PRIMPOL: variants seen among roughly 807,000 people sequenced by gnomAD.
PRIMPOL encodes DNA-directed primase/polymerase protein.
PRIMPOL carries 54 observed loss-of-function variants against 63.6 expected under a neutral mutation model. The ratio of observed to expected loss-of-function variants is 0.85; its 90% confidence interval spans 0.68 to 1.07. PRIMPOL has a LOEUF of 1.07. Among genes scored for constraint, PRIMPOL ranks in the 50% least tolerant of loss-of-function variants. PRIMPOL has a pLI of 0.00. For synonymous variants in PRIMPOL, 197 were observed against 220.2 expected, an observed-to-expected ratio of 0.89 and a Z score of 0.93; for missense variants, 610 against 648.3, an observed-to-expected ratio of 0.94 and a Z score of 0.64.
chr4:184,664,643 T>C (rs1749320529), intron 5 of PRIMPOL, among the ~76,000 whole-genome samples: 1 of 152,186 alleles, frequency 6.6e-6, no homozygotes, highest in Non-Finnish European at 1.5e-5. Context: ...GTGGCATACT[T>C]TCCTTCTCAC....
intron 7 of PRIMPOL, among the ~76,000 whole-genome samples, chr4:184,674,549 G>T (rs1752767297): frequency 6.6e-6 from 1 of 152,118 alleles, no homozygotes; most frequent in Admixed American, 6.5e-5. Flanking sequence ...CTTCAACAAT[G>T]CAGGGCTTAG....
chr4:184,692,446 C>G (rs578026867), intron 13 of PRIMPOL, among the ~76,000 whole-genome samples: 1 of 124,310 alleles, frequency 8.0e-6, no homozygotes, highest in Non-Finnish European at 1.5e-5. Context: ...TACACTCCAG[C>G]CTGGGAGACA....
rs766656905 is a variant in PRIMPOL, at chr4:184,678,232, G to C, written c.845G>C (p.Gly282Ala). Reference sequence around the variant, plus strand: ...ATTGTTTTATCAATTTTTGATGTAGGAGTTTATACAAGAAATAGAAACTTT... The same window carrying C: ...ATTGTTTTATCAATTTTTGATGTAGCAGTTTATACAAGAAATAGAAACTTT... Reference protein sequence around the residue: ...MGEKHLFVDLGVYTRNRNFRL... With the variant: ...MGEKHLFVDLAVYTRNRNFRL... The change falls in exon 8 of 14, where the codon GGA (glycine) becomes GCA (alanine). Residue 282 changes from glycine (G) to alanine (A), a missense_variant and splice_region_variant. Transcript: ENST00000314970. The C allele has an allele frequency of 6.4e-7, 1 of 1,551,530 alleles. No homozygotes were observed. Among genetic ancestry groups the C allele is most frequent in the African/African-American group, 1.4e-5 (1 of 71,774 alleles).
chr4:184,675,281 A>G (rs1417504243), intron 7 of PRIMPOL, among the ~76,000 whole-genome samples: 1 of 152,196 alleles, frequency 6.6e-6, no homozygotes, highest in African/African-American at 2.4e-5. Flanking sequence ...AAATGGCATC[A>G]TGTACAGTCA....
At chr4:184,657,642 C>G (rs1311682876) in intron 3 of PRIMPOL, 1 of 176,412 alleles carries the variant, frequency 5.7e-6, no homozygotes, top group Non-Finnish European at 1.2e-5. Context: ...TTTATTTCAA[C>G]ACAGTAAGCA....
Position 184,685,530 on chromosome 4 carries a change from A to G in PRIMPOL, c.1186+32A>G, listed in dbSNP as rs766648436. The G allele has an allele frequency of 3.8e-6, 6 of 1,593,046 alleles. No homozygotes were observed. In the African/African-American group the frequency reaches 6.7e-5, roughly 18 times the overall value. On this transcript the variant is annotated intron_variant, in intron 10 of 13. Coordinates refer to ENST00000314970, the MANE Select transcript of PRIMPOL (RefSeq NM_152683.4). ...TTAATCTCATCCTTTGTTAACTGTT[A>G]TATGATAGAGTGATAGTAGCTTTAG...
At chr4:184,650,289 T>A (rs1175164967) in intron 1 of PRIMPOL, among the ~76,000 whole-genome samples, 2 of 152,214 alleles carry the variant, frequency 1.3e-5, no homozygotes, top group Non-Finnish European at 2.9e-5. Context: ...GCAAAGAGAT[T>A]AACGAACCAA....
In PRIMPOL at chr4:184,669,037, G is replaced by C. The variant is rs59531566; in HGVS notation, c.556+2973G>C. Among the ~76,000 whole-genome samples the C allele has an allele frequency of 7.9e-3, 1,196 of 152,188 alleles. 16 individuals are homozygous for C. Among genetic ancestry groups the C allele is most frequent in the African/African-American group, 0.027 (1,109 of 41,504 alleles). ...GGCCTTTGCACTTGCTGATGCTGCT[G>C]TCTGACACGATGTGGTCTGTTCACC... On this transcript the variant is annotated intron_variant, in intron 6 of 13. Transcript: ENST00000314970.
At position 184,664,950 on chromosome 4, in the gene PRIMPOL, C is replaced by G. The variant is rs186257587; in HGVS notation, c.409-967C>G. 3.7e-4 allele frequency among the ~76,000 whole-genome samples: 56 copies of G among 152,254 alleles called. 1 individual carries two copies. Among genetic ancestry groups the G allele is most frequent in the Middle Eastern group, 3.4e-3 (1 of 294 alleles). ...GAAAGAATTTACAGAAGAGTAAAGC[C>G]AGAGGGCATGAGGACAGTGTGGTGT... is the stretch of plus-strand genomic sequence containing the variant. On this transcript the variant is annotated intron_variant, in intron 5 of 13. Transcript: ENST00000314970.
At chr4:184,661,933 T>TCTAG (rs1560962807) in intron 5 of PRIMPOL, 30 bp downstream of exon 5, 5 of 1,458,958 alleles carry the variant, frequency 3.4e-6, no homozygotes, top group Non-Finnish European at 3.6e-6. Flanking sequence ...TTTTCTTATT[T>TCTAG]CTATCCATCT....
rs757118172 is a variant in PRIMPOL at position 184,659,335 on chromosome 4, T to TG, written c.181-4dup. On this transcript the variant is annotated splice_region_variant and splice_polypyrimidine_tract_variant and intron_variant, in intron 3 of 13. Coordinates refer to ENST00000314970, the MANE Select transcript of PRIMPOL (RefSeq NM_152683.4). ...TTTTCTGAATTCTTTTTTGATTTTATGCAGGACGTTCATGTATTTGCTTTG... is the reference window on the plus strand; with the variant it reads ...TTTTCTGAATTCTTTTTTGATTTTATGGCAGGACGTTCATGTATTTGCTTTG... The TG allele has an allele frequency of 1.9e-5, 30 of 1,608,298 alleles. No individual in the cohort carries two copies. Among genetic ancestry groups the TG allele is most frequent in the Non-Finnish European group, 2.6e-5 (30 of 1,175,094 alleles).
Position 184,694,870 on chromosome 4 carries a change from A to C in PRIMPOL, c.*91A>C. On this transcript the variant is annotated 3_prime_UTR_variant, in exon 14 of 14. Transcript: ENST00000314970. ...ATATATCATTCAACCTGTTTATATA[A>C]ACTAAGTTTTATTACTTTGCTTTCC... The C allele has an allele frequency of 1.8e-6, 2 of 1,127,560 alleles. No homozygotes were observed. Among genetic ancestry groups the C allele is most frequent in the Non-Finnish European group, 2.5e-6 (2 of 799,846 alleles). 69.8% of individuals were successfully genotyped at this position (1,127,560 alleles called of 1,614,324 possible). A position where few individuals can be genotyped will look rare whatever the true frequency, so the allele number is the denominator to read the frequency against.
In PRIMPOL at chr4:184,661,820, T is replaced by C; in HGVS notation, c.325T>C (p.Cys109Arg). 1 of 1,613,766 alleles carries C rather than the reference T, an allele frequency of 6.2e-7. No homozygotes were observed. Among genetic ancestry groups the C allele is most frequent in the South Asian group, 1.1e-5 (1 of 91,038 alleles). Residue 109 changes from cysteine (C) to arginine (R), a missense_variant, in exon 5 of 14, where the codon TGC becomes CGC. Physicochemically the swap from Cys to Arg is radical, Grantham distance 180 (BLOSUM62 -3). Around this residue, in one of 3 missense-constraint regions of PRIMPOL, gnomAD observed 159 missense variants for 168.9 expected, o/e 0.94. Transcript: ENST00000314970. ...TGAAGTTATTCCTGAAAATGCTGTG[T>C]GCAAGCTTTATTTTGATTTGGAATT... is the stretch of plus-strand genomic sequence containing the variant. ...CYEVIPENAV[C>R]KLYFDLEFNK...
At chr4:184,686,444 A>C (rs1410087897) in intron 11 of PRIMPOL, among the ~76,000 whole-genome samples, 7 of 152,346 alleles carry the variant, frequency 4.6e-5, no homozygotes, top group East Asian at 3.9e-4. Flanking sequence ...CGTTCAAGAC[A>C]CAGCATGGTA....
chr4:184,663,615 C>G (rs1356261434), intron 5 of PRIMPOL, among the ~76,000 whole-genome samples: 1 of 152,104 alleles, frequency 6.6e-6, no homozygotes, highest in African/African-American at 2.4e-5. Context: ...TTTTTTTCTC[C>G]TTATTCTTTA....
At chr4:184,667,597 A>G (rs1750433515) in intron 6 of PRIMPOL, among the ~76,000 whole-genome samples, 2 of 152,192 alleles carry the variant, frequency 1.3e-5, no homozygotes, top group Non-Finnish European at 2.9e-5. Flanking sequence ...GGCGTGAGCC[A>G]CCGTGCCTGG....
At chr4:184,669,546 A>T (rs1211801399) in intron 6 of PRIMPOL, among the ~76,000 whole-genome samples, 1 of 152,246 alleles carries the variant, frequency 6.6e-6, no homozygotes, top group African/African-American at 2.4e-5. Flanking sequence ...ACAGGCCGAA[A>T]GCTGAGAATC....
chr4:184,663,921 T>A lies in PRIMPOL; in HGVS notation c.409-1996T>A, dbSNP rs564991754. Among the ~76,000 whole-genome samples, 447 of 152,346 alleles carry A rather than the reference T, an allele frequency of 2.9e-3. 2 individuals carry two copies. The highest frequency in any genetic ancestry group is 5.2e-3 in the Non-Finnish European group (356 of 68,020). ...GGCATAATTAGGTTAGCTCTTATGC[T>A]AATTTAGCAGATGGTTAATAATAAT... is the stretch of plus-strand genomic sequence containing the variant. On this transcript the variant is annotated intron_variant, in intron 5 of 13. Coordinates refer to ENST00000314970, the MANE Select transcript of PRIMPOL (RefSeq NM_152683.4).
At chr4:184,651,278 A>G (rs372457745) in intron 1 of PRIMPOL, among the ~76,000 whole-genome samples, 1,729 of 148,872 alleles carry the variant, frequency 0.012, 38 homozygotes, top group African/African-American at 0.043. Context: ...GCAACAGAGC[A>G]AGACTCTGTC....
Sources: allele counts gnomAD v4.1 joint callset (sites outside exome capture counted in the v4.1 genomes callset), GRCh38; gene constraint gnomAD v4.1.1; regional missense constraint gnomAD v4.1.1; transcripts MANE v1.5; gene names NCBI Gene and HGNC (gene_info 2026-07-23, HGNC 2026-07-21).